GRXCR2: variants seen among roughly 807,000 people sequenced by gnomAD.
GRXCR2 encodes the protein glutaredoxin and cysteine rich domain containing 2.
A neutral mutation model predicts 24.8 loss-of-function variants in GRXCR2; 23 were observed. The ratio of observed to expected loss-of-function variants is 0.93; its 90% CI spans 0.67 to 1.32. The LOEUF (loss-of-function observed/expected upper bound fraction) is 1.32, where lower values mean the gene tolerates loss of function less well. GRXCR2 is among the 40% of genes most tolerant of loss of function. The pLI is 0.00. For synonymous variants in GRXCR2, 130 were observed against 116.1 expected (o/e 1.12, Z -0.77); for missense variants, 315 against 303.4 (o/e 1.04, Z -0.28).
At chr5:145,911,119 C>T (rs568816560) in intron 2 of GRXCR2, among the ~76,000 whole-genome samples, 1 of 152,080 alleles carries the variant, frequency 6.6e-6, no homozygotes, top group South Asian at 2.1e-4. Flanking sequence ...TCAAGGTGTA[C>T]AGCGTGATGA....
At chr5:145,875,976 CA>C, upstream of GRXCR2, among the ~76,000 whole-genome samples, 1 of 151,960 alleles carries the variant, frequency 6.6e-6, no homozygotes, top group Admixed American at 6.5e-5. Flanking sequence ...CCAGCCTGGG[CA>C]ACAAAATGAG....
chr5:145,928,389 A>T (rs375113455), intron 2 of GRXCR2, among the ~76,000 whole-genome samples: 2 of 152,108 alleles, frequency 1.3e-5, no homozygotes, highest in African/African-American at 2.4e-5. Context: ...TTGACCCAGC[A>T]ATCCCATTAC....
At chr5:145,869,518 G>A (rs994292711) in intron 1 of GRXCR2, among the ~76,000 whole-genome samples, 4 of 151,494 alleles carry the variant, frequency 2.6e-5, no homozygotes, top group African/African-American at 9.7e-5. Flanking sequence ...CACATAAAAT[G>A]TGCCAGGCAC....
At chr5:145,882,387 A>AGACATTT (rs1219809206) in intron 2 of GRXCR2, among the ~76,000 whole-genome samples, 1 of 152,248 alleles carries the variant, frequency 6.6e-6, no homozygotes, top group Non-Finnish European at 1.5e-5. Context: ...TCTCAAAAGA[A>AGACATTT]GACATTTATG....
chr5:145,921,918 G>A (rs1009095932), intron 2 of GRXCR2, among the ~76,000 whole-genome samples: 2 of 152,050 alleles, frequency 1.3e-5, no homozygotes, highest in African/African-American at 4.8e-5. Context: ...TAAAGGCATG[G>A]TATTTTTAAA....
rs370818249 is a variant in GRXCR2 at position 145,859,682 on chromosome 5, G to A, written c.*51C>T. The A allele has an allele frequency of 1.3e-5, 20 of 1,578,492 alleles. No homozygotes were observed. Among genetic ancestry groups the A allele is most frequent in the Non-Finnish European group, 1.7e-5 (20 of 1,148,538 alleles). On this transcript the variant is annotated 3_prime_UTR_variant, in exon 3 of 3. Transcript: ENST00000377976. ...AGGAGGAGAAGGGGGCGGTTTATTA[G>A]AAATAACTTTAGGGAGGGTAAGATA...
intron 2 of GRXCR2, among the ~76,000 whole-genome samples, chr5:145,900,849 A>T (rs1757014581): frequency 6.6e-6 from 1 of 152,122 alleles, no homozygotes; most frequent in African/African-American, 2.4e-5. Flanking sequence ...CATCACACTC[A>T]ATGCAGGGCT....
chr5:145,879,461 T>C (rs1246542793), intron 2 of GRXCR2, among the ~76,000 whole-genome samples: 1 of 151,098 alleles, frequency 6.6e-6, no homozygotes, highest in African/African-American at 2.4e-5. Flanking sequence ...AAGAAGGCCA[T>C]TACATAATGG....
chr5:145,917,626 G>C (rs1757260170), intron 2 of GRXCR2, among the ~76,000 whole-genome samples: 1 of 152,078 alleles, frequency 6.6e-6, no homozygotes, highest in African/African-American at 2.4e-5. Flanking sequence ...GCAGGGAGCA[G>C]CACCTGTCAC....
In GRXCR2 at chr5:145,928,838, C is replaced by T. The variant is rs187178233; in HGVS notation, c.-70+6863G>A. On this transcript the variant is annotated intron_variant, in intron 2 of 3. Transcript: ENST00000639411. ...TAATGGGTGCAGCACACCAACATGG[C>T]ACATGTATACATATATAACTAACCT... 5.9e-5 allele frequency among the ~76,000 whole-genome samples: 9 copies of T among 151,684 alleles called. No homozygotes were observed. In the East Asian group the frequency reaches 1.4e-3, roughly 23 times the overall value.
At chr5:145,913,649 A>T (rs989055931) in intron 2 of GRXCR2, among the ~76,000 whole-genome samples, 4 of 152,128 alleles carry the variant, frequency 2.6e-5, no homozygotes, top group African/African-American at 9.7e-5. Flanking sequence ...AGCCCACAGA[A>T]GCTTTTCTGG....
At chr5:145,918,022 C>T (rs1269084697) in intron 2 of GRXCR2, among the ~76,000 whole-genome samples, 1 of 152,166 alleles carries the variant, frequency 6.6e-6, no homozygotes, top group African/African-American at 2.4e-5. Flanking sequence ...TCGTGATCTG[C>T]CCACCTCGGC....
chr5:145,900,900 T>A (rs1483345714), intron 2 of GRXCR2, among the ~76,000 whole-genome samples: 1 of 152,154 alleles, frequency 6.6e-6, no homozygotes, highest in African/African-American at 2.4e-5. Context: ...TAGGTGCCCA[T>A]CAGTGGTGGA....
chr5:145,929,448 T>C (rs1463004677), intron 2 of GRXCR2, among the ~76,000 whole-genome samples: 1 of 152,002 alleles, frequency 6.6e-6, no homozygotes, highest in Non-Finnish European at 1.5e-5. Context: ...TACAGACTCA[T>C]AAGACATTGC....
intron 2 of GRXCR2, among the ~76,000 whole-genome samples, chr5:145,899,970 G>A (rs1757002340): frequency 6.6e-6 from 1 of 152,046 alleles, no homozygotes; most frequent in African/African-American, 2.4e-5. Flanking sequence ...TAAACAGACA[G>A]CCCCACAGAA....
chr5:145,929,603 T>C (rs1757453239), intron 2 of GRXCR2, among the ~76,000 whole-genome samples: 1 of 152,142 alleles, frequency 6.6e-6, no homozygotes, highest in South Asian at 2.1e-4. Context: ...GTTTTACCAA[T>C]TACTTGGATT....
chr5:145,860,940 G>A (rs932170835), intron 2 of GRXCR2, among the ~76,000 whole-genome samples: 3 of 152,034 alleles, frequency 2.0e-5, no homozygotes, highest in African/African-American at 7.2e-5. Context: ...TTCAGAAAAT[G>A]TTCCTTGGCT....
chr5:145,891,807 G>A (rs1369074965), intron 2 of GRXCR2, among the ~76,000 whole-genome samples: 2 of 152,122 alleles, frequency 1.3e-5, no homozygotes, highest in Admixed American at 1.3e-4. Flanking sequence ...GCATGCAGCT[G>A]GATATCTGAA....
chr5:145,907,388 G>A (rs892175014), intron 2 of GRXCR2, among the ~76,000 whole-genome samples: 1 of 152,058 alleles, frequency 6.6e-6, no homozygotes, highest in Non-Finnish European at 1.5e-5. Flanking sequence ...AATTAGCCAG[G>A]CATGGTGGCG....
Sources: allele counts gnomAD v4.1 joint callset (sites outside exome capture counted in the v4.1 genomes callset), GRCh38; gene constraint gnomAD v4.1.1; transcripts MANE v1.5; gene names NCBI Gene and HGNC (gene_info 2026-07-23, HGNC 2026-07-21).